Variants in LDLRAD3 observed in about 807,000 individuals in gnomAD.
LDLRAD3 encodes low-density lipoprotein receptor class A domain-containing protein 3.
A neutral mutation model predicts 29.4 loss-of-function variants in LDLRAD3; 20 were observed. The observed-to-expected ratio is 0.68, with a 90% CI of 0.48 to 0.99. LDLRAD3 has a LOEUF of 0.99. Among genes scored for constraint, LDLRAD3 ranks in the 50% least tolerant of loss-of-function variants. The pLI is 0.00. For synonymous variants in LDLRAD3, 157 were observed against 192.7 expected (o/e 0.81, Z 1.53); for missense variants, 420 against 454.3 (o/e 0.92, Z 0.69).
At chr11:36,005,262 A>G (rs1387129340) in intron 1 of LDLRAD3, among the ~76,000 whole-genome samples, 1 of 152,198 alleles carries the variant, frequency 6.6e-6, no homozygotes, top group Non-Finnish European at 1.5e-5. Flanking sequence ...ATGAGCATAC[A>G]CTTTTAGAAA....
At chr11:36,050,462 A>T (rs530735554) in intron 2 of LDLRAD3, among the ~76,000 whole-genome samples, 1 of 152,334 alleles carries the variant, frequency 6.6e-6, no homozygotes, top group South Asian at 2.1e-4. Context: ...CAGGGAGCAG[A>T]TGGCCCTGAT....
intron 2 of LDLRAD3, among the ~76,000 whole-genome samples, chr11:36,062,330 A>T (rs988101353): frequency 2.0e-5 from 3 of 152,200 alleles, no homozygotes; most frequent in Non-Finnish European, 2.9e-5. Flanking sequence ...TTGGTTCTTC[A>T]ACCTCAAAAG....
At chr11:36,151,697 C>T (rs1440665584) in intron 4 of LDLRAD3, among the ~76,000 whole-genome samples, 2 of 152,144 alleles carry the variant, frequency 1.3e-5, no homozygotes, top group Admixed American at 1.3e-4. Context: ...TGGTCAAAAT[C>T]CCCAGTCCTG....
intron 1 of LDLRAD3, chr11:36,001,093 C>G (rs1164616298): frequency 1.3e-5 from 2 of 151,882 alleles, no homozygotes; most frequent in African/African-American, 4.8e-5. Flanking sequence ...CAGGAAAGTG[C>G]CTGGAAAAAT....
intron 4 of LDLRAD3, among the ~76,000 whole-genome samples, chr11:36,150,273 A>G (rs1361913853): frequency 2.6e-5 from 4 of 152,168 alleles, no homozygotes; most frequent in Non-Finnish European, 5.9e-5. Flanking sequence ...CACACGTGTA[A>G]TCTCAACACT....
intron 4 of LDLRAD3, among the ~76,000 whole-genome samples, chr11:36,159,142 T>C (rs1854397881): frequency 6.6e-6 from 1 of 152,280 alleles, no homozygotes; most frequent in East Asian, 1.9e-4. Context: ...GATAAGGAGA[T>C]AGTGACAGTG....
At chr11:36,155,153 T>TCTAG (rs1375410830) in intron 4 of LDLRAD3, among the ~76,000 whole-genome samples, 45 of 152,148 alleles carry the variant, frequency 3.0e-4, no homozygotes, top group Non-Finnish European at 5.9e-4. Context: ...CTCCCCAGAG[T>TCTAG]GGATCACAGC....
At chr11:35,963,533 A>C (rs1025076685) in intron 1 of LDLRAD3, among the ~76,000 whole-genome samples, 2 of 151,942 alleles carry the variant, frequency 1.3e-5, no homozygotes, top group Non-Finnish European at 2.9e-5. Context: ...CGGCTTTGCC[A>C]CCCGATTAAA....
chr11:36,072,401 A>G lies in LDLRAD3; in HGVS notation c.194-9252A>G, dbSNP rs185224198. 2.6e-4 allele frequency among the ~76,000 whole-genome samples: 39 copies of G among 152,304 alleles called. No individual in the cohort carries two copies. In the East Asian group the frequency reaches 2.9e-3, roughly 11 times the overall value. The stretch of plus-strand genomic sequence containing the variant: ...ACAGCAAGCCCATGCTGAAGTTTCC[A>G]TCATCCTCCAGGACCTTGAGCAGCC... On this transcript the variant is annotated intron_variant, in intron 2 of 5. Transcript: ENST00000315571.
At chr11:35,977,427 CAT>C (rs1470611092) in intron 1 of LDLRAD3, among the ~76,000 whole-genome samples, 1 of 152,090 alleles carries the variant, frequency 6.6e-6, no homozygotes, top group African/African-American at 2.4e-5. Flanking sequence ...AAAAGGAAAA[CAT>C]ATAATGGGGC....
intron 4 of LDLRAD3, among the ~76,000 whole-genome samples, chr11:36,126,174 C>T (rs1407035379): frequency 6.6e-6 from 1 of 152,166 alleles, no homozygotes; most frequent in African/African-American, 2.4e-5. Context: ...CACCACTGCT[C>T]CCGATGCCTT....
intron 2 of LDLRAD3, among the ~76,000 whole-genome samples, chr11:36,068,752 G>A (rs536756626): frequency 6.6e-6 from 1 of 152,116 alleles, no homozygotes; most frequent in African/African-American, 2.4e-5. Context: ...TCCTGATCTC[G>A]TGATCCACCC....
intron 4 of LDLRAD3, among the ~76,000 whole-genome samples, chr11:36,119,149 C>T (rs1213484205): frequency 1.3e-5 from 2 of 152,078 alleles, no homozygotes; most frequent in African/African-American, 4.8e-5. Flanking sequence ...TCTTGATATC[C>T]ACCACAAAAG....
chr11:36,098,133 T>A (rs948832863), intron 3 of LDLRAD3, among the ~76,000 whole-genome samples, 194 bp from the exon 4 acceptor site: 11 of 151,898 alleles, frequency 7.2e-5, no homozygotes, highest in African/African-American at 2.7e-4. Context: ...CCCAGGAGGT[T>A]TTAGAATGAG....
At chr11:36,183,808 TG>T (rs1174140922) in intron 4 of LDLRAD3, among the ~76,000 whole-genome samples, 86 of 152,328 alleles carry the variant, frequency 5.6e-4, no homozygotes, top group African/African-American at 2.0e-3. Flanking sequence ...TGCTGCGTTC[TG>T]AATAATTCTT....
chr11:36,049,652 G>T (rs185218430), intron 2 of LDLRAD3, among the ~76,000 whole-genome samples: 1 of 152,326 alleles, frequency 6.6e-6, no homozygotes, highest in Non-Finnish European at 1.5e-5. Flanking sequence ...GGTCTGAAAG[G>T]CTGTTGGGTG....
chr11:36,162,783 A>C (rs948757924), intron 4 of LDLRAD3, among the ~76,000 whole-genome samples: 11 of 152,186 alleles, frequency 7.2e-5, no homozygotes, highest in African/African-American at 2.4e-4. Flanking sequence ...GGAAATGCCC[A>C]ATTTGGTATG....
intron 4 of LDLRAD3, chr11:36,102,064 A>C: frequency 5.3e-6 from 1 of 188,268 alleles, no homozygotes; most frequent in Non-Finnish European, 1.1e-5. Context: ...TATTTTTTGT[A>C]TTTTTAGTAG....
intron 4 of LDLRAD3, among the ~76,000 whole-genome samples, chr11:36,214,125 T>G (rs1855321104): frequency 6.6e-6 from 1 of 152,234 alleles, no homozygotes; most frequent in Non-Finnish European, 1.5e-5. Flanking sequence ...TGACAGGATT[T>G]AGGCACTAGT....
Sources: allele counts gnomAD v4.1 joint callset (sites outside exome capture counted in the v4.1 genomes callset), GRCh38; gene constraint gnomAD v4.1.1; transcripts MANE v1.5; gene names NCBI Gene and HGNC (gene_info 2026-07-23, HGNC 2026-07-21).